The following SHOC1 variants were observed in gnomAD, a reference collection of about 807,000 sequenced individuals.
SHOC1 encodes protein shortage in chiasmata 1 ortholog.
SHOC1 carries 136 observed loss-of-function variants against 179.2 expected under a neutral mutation model. The ratio of observed to expected loss-of-function variants is 0.76; its 90% CI spans 0.66 to 0.87. The LOEUF is 0.87. Among genes scored for constraint, SHOC1 ranks in the 40% least tolerant of loss-of-function variants. The pLI, the probability that SHOC1 is intolerant of heterozygous loss-of-function variation, is 0.00. For synonymous variants in SHOC1, 489 were observed against 586.6 expected (o/e 0.83, Z 2.41); for missense variants, 1,538 against 1,700.8 (o/e 0.90, Z 1.68).
intron 5 of SHOC1, among the ~76,000 whole-genome samples, chr9:111,766,955 T>C (rs1454817722): frequency 1.3e-5 from 2 of 152,208 alleles, no homozygotes; most frequent in Admixed American, 6.5e-5. Flanking sequence ...TGATTAGTGA[T>C]GTTGAGCATT....
chr9:111,718,414 T>A (rs1044913299), intron 15 of SHOC1, 126 bp from the exon 16 acceptor site: 2 of 494,224 alleles, frequency 4.0e-6, no homozygotes, highest in Non-Finnish European at 3.4e-6. Flanking sequence ...CCAGGCTGTA[T>A]ATAAGCTGGC....
intron 23 of SHOC1, among the ~76,000 whole-genome samples, chr9:111,701,705 G>A (rs1831976937): frequency 6.6e-6 from 1 of 152,020 alleles, no homozygotes; most frequent in Non-Finnish European, 1.5e-5. Context: ...AAATCACTTG[G>A]TAGAAGTTAT....
chr9:111,786,959 C>T (rs1202533992), intron 2 of SHOC1, among the ~76,000 whole-genome samples: 1 of 152,102 alleles, frequency 6.6e-6, no homozygotes, highest in Non-Finnish European at 1.5e-5. Flanking sequence ...TCCCAGGGCC[C>T]TTAAGAATTA....
At chr9:111,699,461 T>A (rs1185950512) in intron 24 of SHOC1, among the ~76,000 whole-genome samples, 2 of 152,120 alleles carry the variant, frequency 1.3e-5, no homozygotes, top group Admixed American at 6.6e-5. Flanking sequence ...TCTGTGGGAA[T>A]CTCTAAGTTT....
chr9:111,769,404 G>T (rs565290813), intron 5 of SHOC1, among the ~76,000 whole-genome samples: 3 of 152,198 alleles, frequency 2.0e-5, no homozygotes, highest in East Asian at 3.9e-4. Context: ...TTGATGAGAG[G>T]CTTTTTACTA....
At chr9:111,771,571 C>G (rs957329540) in intron 5 of SHOC1, among the ~76,000 whole-genome samples, 2 of 151,992 alleles carry the variant, frequency 1.3e-5, no homozygotes, top group Admixed American at 1.3e-4. Flanking sequence ...TTGAAGAACC[C>G]CCTTTACCAT....
chr9:111,707,931 GA>G lies in SHOC1; in HGVS notation c.2489-8del. On this transcript the variant is annotated splice_region_variant and splice_polypyrimidine_tract_variant and intron_variant, in intron 18 of 27. Transcript: ENST00000682961. ...AGGACAGTCAGTGTTAAACCTGTTG[GA>G]AAAAAGAATAATTTTTTTCAGTGTC... 1 of 1,513,508 alleles carries G rather than the reference GA, an allele frequency of 6.6e-7. No homozygotes were observed. Among genetic ancestry groups the G allele is most frequent in the Non-Finnish European group, 8.9e-7 (1 of 1,128,732 alleles). 93.8% of individuals were successfully genotyped at this position (1,513,508 alleles called of 1,614,324 possible).
At chr9:111,773,887 T>A (rs1172356455) in intron 5 of SHOC1, among the ~76,000 whole-genome samples, 1 of 152,170 alleles carries the variant, frequency 6.6e-6, no homozygotes, top group Non-Finnish European at 1.5e-5. Context: ...TATACTATGT[T>A]CCTTTTGATT....
At position 111,692,443 on chromosome 9, in the gene SHOC1, C is replaced by T. The variant is rs200568507; in HGVS notation, c.3534G>A (p.Ser1178=). The T allele has an allele frequency of 2.2e-5, 35 of 1,607,736 alleles. No individual in the cohort carries two copies. Among genetic ancestry groups the T allele is most frequent in the Middle Eastern group, 1.7e-4 (1 of 6,016 alleles). ...TCTGATTCCTATTTTCCTGAGGTGA[C>T]GAAATTTGCGGTGATTTTGTTATGG... ...SSSITKSPQI[S]SPQENRNQIS... is the part of the protein sequence containing the mutation. Residue 1178 remains serine, a synonymous_variant, in exon 27 of 28, where the codon TCG becomes TCA. Coordinates refer to ENST00000682961, the MANE Select transcript of SHOC1 (RefSeq NM_001378211.1).
chr9:111,778,869 C>T (rs551129004), intron 4 of SHOC1, among the ~76,000 whole-genome samples: 52 of 146,382 alleles, frequency 3.6e-4, no homozygotes, highest in African/African-American at 1.3e-3. Context: ...GAGGCCAAGG[C>T]GGGTGGATCA....
Position 111,723,827 on chromosome 9 carries a change from C to T in SHOC1, c.1919G>A (p.Arg640Lys), listed in dbSNP as rs748831024. The change falls in exon 14 of 28, where the codon AGG (arginine) becomes AAG (lysine). Residue 640 changes from arginine to lysine, a missense_variant. Physicochemically the swap from Arg to Lys is conservative, Grantham distance 26. Transcript: ENST00000682961. ...AATTTCAATGACACTATCTGTTCCC[C>T]TTTCCTGATTTATTTCCTCCAGGGT... ...NKTLEEINQERGTDSVIEIQA... is the reference protein window; with the variant it reads ...NKTLEEINQEKGTDSVIEIQA... 19 of 1,611,952 alleles carry T rather than the reference C, an allele frequency of 1.2e-5. No individual in the cohort carries two copies. In the East Asian group the frequency reaches 4.0e-4, roughly 34 times the overall value.
chr9:111,769,107 C>T (rs1431253634), intron 5 of SHOC1, among the ~76,000 whole-genome samples: 2 of 152,186 alleles, frequency 1.3e-5, no homozygotes, highest in African/African-American at 4.8e-5. Context: ...ATGAATCCCA[C>T]TTTATCATGG....
At chr9:111,774,081 T>C (rs823649) in intron 5 of SHOC1, among the ~76,000 whole-genome samples, 11,543 of 152,196 alleles carry the variant, frequency 0.076, 628 homozygotes, top group South Asian at 0.21. Context: ...TCTCAGTCAA[T>C]AGTTGATTCT....
intron 7 of SHOC1, among the ~76,000 whole-genome samples, chr9:111,757,572 G>A (rs1233759328): frequency 1.3e-5 from 2 of 152,192 alleles, no homozygotes; most frequent in Non-Finnish European, 2.9e-5. Flanking sequence ...TCTTTGAGAA[G>A]TTTGGCCTTT....
chr9:111,727,948 T>C lies in SHOC1; in HGVS notation c.1519A>G (p.Lys507Glu). 1.9e-6 allele frequency: 3 copies of C among 1,613,414 alleles called. No individual in the cohort carries two copies. Among genetic ancestry groups the C allele is most frequent in the Non-Finnish European group, 2.5e-6 (3 of 1,179,670 alleles). The change falls in exon 13 of 28, where the codon AAA becomes GAA. Residue 507 changes from lysine (K) to glutamate (E), a missense_variant. Physicochemically the swap from Lys to Glu is moderately conservative, Grantham distance 56 (BLOSUM62 1). Transcript: ENST00000682961. The part of the protein sequence containing the change: ...SLPQKSPSLA[K>E]EVPDLCFSDD... ...GAAAAACATAGATCTGGTACTTCTT[T>C]TGCCAGAGATGGACTCTTTTGTGGA...
intron 21 of SHOC1, among the ~76,000 whole-genome samples, chr9:111,704,702 T>C (rs1454480267): frequency 6.6e-6 from 1 of 152,060 alleles, no homozygotes; most frequent in Admixed American, 6.6e-5. Flanking sequence ...CTGTGACAAC[T>C]TGTGTGTTAT....
Position 111,758,121 on chromosome 9 carries a change from C to CAA in SHOC1, c.669_670dup (p.Cys224PhefsTer6). The CAA allele has an allele frequency of 6.3e-7, 1 of 1,581,392 alleles. No individual in the cohort carries two copies. Among genetic ancestry groups the CAA allele is most frequent in the Non-Finnish European group, 8.6e-7 (1 of 1,160,254 alleles). On this transcript the variant is annotated frameshift_variant, in exon 7 of 28. Transcript: ENST00000682961. LOFTEE classifies it high-confidence loss of function. The stretch of plus-strand genomic sequence containing the variant: ...TATTGTATCTTCTAGTTTCTCTTGA[C>CAA]AAAAGTTCACTTTATCCATACAAAA...
At chr9:111,780,253 T>A (rs1476182378) in intron 4 of SHOC1, among the ~76,000 whole-genome samples, 1 of 152,218 alleles carries the variant, frequency 6.6e-6, no homozygotes, top group African/African-American at 2.4e-5. Context: ...TTACAGAAAC[T>A]TGAAAATGTG....
At chr9:111,762,835 A>G (rs1413316132) in intron 5 of SHOC1, among the ~76,000 whole-genome samples, 1 of 152,170 alleles carries the variant, frequency 6.6e-6, no homozygotes, top group Non-Finnish European at 1.5e-5. Flanking sequence ...TCTACCGAAC[A>G]AAGTTCTAGC....
Sources: gnomAD v4.1 joint callset for allele counts (sites outside exome capture counted in the v4.1 genomes callset) on GRCh38, gnomAD v4.1.1 for gene constraint, MANE v1.5 for transcripts, NCBI Gene and HGNC (gene_info 2026-07-23, HGNC 2026-07-21) for gene names.